Variants in SEMA5A observed in about 807,000 individuals in gnomAD.
SEMA5A encodes semaphorin 5A, also known as semaphorin-5A.
SEMA5A carries 55 observed loss-of-function variants against 135.5 expected under a neutral mutation model. That is an observed-to-expected ratio of 0.41 (90% CI 0.33 to 0.51). SEMA5A has a LOEUF of 0.51. Ranked by LOEUF, SEMA5A falls within the 20% of genes least tolerant of loss-of-function variation. The probability of loss-of-function intolerance (pLI) is 0.37; values close to 1 mark genes in which losing one functional copy is unlikely to be tolerated. For missense variants in SEMA5A, 1,290 were observed against 1,419.9 expected (o/e 0.91, Z 1.47); for synonymous variants, 580 against 546.5 (o/e 1.06, Z -0.85).
chr5:9,471,481 T>C (rs1759476079), intron 1 of SEMA5A, among the ~76,000 whole-genome samples: 2 of 152,134 alleles, frequency 1.3e-5, no homozygotes, highest in Admixed American at 6.5e-5. Flanking sequence ...CAATACATAA[T>C]CCACCAGAAA....
chr5:9,094,757 G>A (rs2150130312), intron 16 of SEMA5A, among the ~76,000 whole-genome samples: 2 of 152,260 alleles, frequency 1.3e-5, no homozygotes. Context: ...CAATTTCGTG[G>A]GATTAGGATA....
chr5:9,133,616 A>G (rs1741562254), intron 13 of SEMA5A, among the ~76,000 whole-genome samples: 1 of 152,300 alleles, frequency 6.6e-6, no homozygotes, highest in Non-Finnish European at 1.5e-5. Context: ...TAGAGGAGGC[A>G]GCCTTGACAC....
intron 2 of SEMA5A, among the ~76,000 whole-genome samples, chr5:9,426,911 T>C (rs575842077): frequency 8.5e-5 from 13 of 152,354 alleles, no homozygotes; most frequent in Non-Finnish European, 1.3e-4. Context: ...GCTAATATTA[T>C]GATGTCCCAG....
intron 8 of SEMA5A, among the ~76,000 whole-genome samples, chr5:9,221,252 T>C (rs1036426361): frequency 6.6e-6 from 1 of 151,948 alleles, no homozygotes; most frequent in Non-Finnish European, 1.5e-5. Flanking sequence ...CTTGTTGCGG[T>C]TTCTTTGTTT....
At chr5:9,079,222 C>T (rs1471221759) in intron 16 of SEMA5A, among the ~76,000 whole-genome samples, 1 of 152,056 alleles carries the variant, frequency 6.6e-6, no homozygotes, top group African/African-American at 2.4e-5. Flanking sequence ...TCTCGGACCA[C>T]AGTGCAATCA....
At chr5:9,100,140 T>TAGGCTCTCAGAAGAATG (rs1739546787) in intron 16 of SEMA5A, among the ~76,000 whole-genome samples, 1 of 152,200 alleles carries the variant, frequency 6.6e-6, no homozygotes, top group Admixed American at 6.5e-5. Flanking sequence ...TTCTCACCAG[T>TAGGCTCTCAGAAGAATG]CCATGGGACC....
At chr5:9,103,964 C>T (rs1739767319) in intron 16 of SEMA5A, among the ~76,000 whole-genome samples, 1 of 152,118 alleles carries the variant, frequency 6.6e-6, no homozygotes, top group African/African-American at 2.4e-5. Context: ...GAGTGTAAAT[C>T]AAGAGAAGAG....
intron 1 of SEMA5A, among the ~76,000 whole-genome samples, chr5:9,497,666 T>C (rs1303647601): frequency 2.0e-5 from 3 of 152,218 alleles, no homozygotes; most frequent in Non-Finnish European, 4.4e-5. Context: ...AGTATTATCA[T>C]TGTCCTCATT....
Position 9,246,059 on chromosome 5 carries a change from G to A in SEMA5A, c.271-8169C>T, listed in dbSNP as rs149849980. 1.5e-3 allele frequency among the ~76,000 whole-genome samples: 225 copies of A among 152,214 alleles called. 3 individuals carry two copies. The highest frequency in any genetic ancestry group is 5.2e-3 in the African/African-American group (214 of 41,540). On this transcript the variant is annotated intron_variant, in intron 5 of 22. Transcript: ENST00000382496. ...ATAAAATTTAAAACCATGATTGTCAGACCTTGAAGCATCAAACGACTGGTG... is the reference window on the plus strand; with the variant it reads ...ATAAAATTTAAAACCATGATTGTCAAACCTTGAAGCATCAAACGACTGGTG...
intron 21 of SEMA5A, among the ~76,000 whole-genome samples, chr5:9,047,210 C>T (rs1047071648): frequency 6.6e-6 from 1 of 152,192 alleles, no homozygotes; most frequent in Admixed American, 6.5e-5. Context: ...GGAAATACTT[C>T]CTGCTGCACC....
At position 9,219,454 on chromosome 5, in the gene SEMA5A, C is replaced by T. The variant is rs372753048; in HGVS notation, c.646+5220G>A. Among the ~76,000 whole-genome samples, 80 of 152,228 alleles carry T rather than the reference C, an allele frequency of 5.3e-4. 1 individual carries two copies. In the South Asian group the frequency reaches 0.013, roughly 25 times the overall value. ...TATGTTAAGGTCCCAGCCCCCAGTA[C>T]TCCAGAATGTAACTATACTCAAAAA... On this transcript the variant is annotated intron_variant, in intron 8 of 22. Coordinates refer to ENST00000382496, the MANE Select transcript of SEMA5A (RefSeq NM_003966.3).
intron 5 of SEMA5A, among the ~76,000 whole-genome samples, chr5:9,283,273 C>G (rs2150568722): frequency 6.6e-6 from 1 of 152,238 alleles, no homozygotes; most frequent in South Asian, 2.1e-4. Flanking sequence ...AGCTCATTGT[C>G]CTGACACTGA....
chr5:9,510,595 T>G (rs915307055), intron 1 of SEMA5A, among the ~76,000 whole-genome samples: 1 of 152,104 alleles, frequency 6.6e-6, no homozygotes, highest in East Asian at 1.9e-4. Context: ...AGGAACTATA[T>G]AAGTTCCTTT....
chr5:9,470,492 G>C (rs569371265), intron 1 of SEMA5A, among the ~76,000 whole-genome samples: 41 of 152,294 alleles, frequency 2.7e-4, no homozygotes, highest in African/African-American at 9.6e-4. Flanking sequence ...AAAGGTAAGG[G>C]TAACAATGTC....
At chr5:9,450,251 C>T (rs1425934130) in intron 1 of SEMA5A, among the ~76,000 whole-genome samples, 2 of 152,136 alleles carry the variant, frequency 1.3e-5, no homozygotes, top group African/African-American at 4.8e-5. Context: ...GAGGCCAACC[C>T]GGTGGCCAAT....
intron 1 of SEMA5A, chr5:9,498,756 A>G (rs536015756): frequency 6.6e-6 from 1 of 152,106 alleles, no homozygotes; most frequent in Non-Finnish European, 1.5e-5. Context: ...TAACCTTGTC[A>G]TGCCTGGGGC....
rs537713673 is a variant in SEMA5A at position 9,151,438 on chromosome 5, C to T, written c.1481+3050G>A. ...AAGAAATTAGTATCCAATCGTTACCCAATTGTTTTCCTATTCCTATTTAGT... is the reference window on the plus strand; with the variant it reads ...AAGAAATTAGTATCCAATCGTTACCTAATTGTTTTCCTATTCCTATTTAGT... On this transcript the variant is annotated intron_variant, in intron 12 of 22. Transcript: ENST00000382496. Among the ~76,000 whole-genome samples, 5 of 152,248 alleles carry T rather than the reference C, an allele frequency of 3.3e-5. No individual in the cohort carries two copies. In the South Asian group the frequency reaches 1.0e-3, roughly 32 times the overall value.
At position 9,412,659 on chromosome 5, in the gene SEMA5A, C is replaced by T. The variant is rs528474030; in HGVS notation, c.-78+25097G>A. On this transcript the variant is annotated intron_variant, in intron 2 of 22. Transcript: ENST00000382496. ...ATAACAAGTTATCGTGGGGATAGAACCCAAGTCTAATCTTGAAATCTCTTT... is the reference window on the plus strand; with the variant it reads ...ATAACAAGTTATCGTGGGGATAGAATCCAAGTCTAATCTTGAAATCTCTTT... Among the ~76,000 whole-genome samples, 47 of 144,832 alleles carry T rather than the reference C, an allele frequency of 3.2e-4. 1 individual carries two copies. In the South Asian group the frequency reaches 9.8e-3, roughly 30 times the overall value.
At chr5:9,390,934 C>A (rs1756132740) in intron 2 of SEMA5A, 1 of 152,146 alleles carries the variant, frequency 6.6e-6, no homozygotes, top group African/African-American at 2.4e-5. Context: ...TGCCATTTTG[C>A]AGATGTGGAG....
Sources: allele counts gnomAD v4.1 joint callset (sites outside exome capture counted in the v4.1 genomes callset), GRCh38; gene constraint gnomAD v4.1.1; transcripts MANE v1.5; gene names NCBI Gene and HGNC (gene_info 2026-07-23, HGNC 2026-07-21).